Variants in MAJIN observed in about 807,000 individuals in gnomAD.
MAJIN encodes membrane anchored junction protein, also known as membrane-anchored junction protein.
A neutral mutation model predicts 30.2 loss-of-function variants in MAJIN; 27 were observed. The ratio of observed to expected loss-of-function variants is 0.89; its 90% CI spans 0.66 to 1.23. MAJIN has a LOEUF of 1.23. MAJIN is among the 50% of genes most tolerant of loss of function. MAJIN has a pLI of 0.00. For missense variants in MAJIN, 253 were observed against 260.3 expected (o/e 0.97, Z 0.19); for synonymous variants, 78 against 91.6 (o/e 0.85, Z 0.85).
intron 9 of MAJIN, 160 bp from the exon 10 acceptor site, chr11:64,939,927 A>G: frequency 1.7e-6 from 1 of 582,756 alleles, no homozygotes; most frequent in East Asian, 3.0e-5. Flanking sequence ...ATTTCATCTC[A>G]GCTCAGTAAG....
At chr11:64,969,104 T>C (rs1294631046) in intron 1 of MAJIN, among the ~76,000 whole-genome samples, 1 of 152,180 alleles carries the variant, frequency 6.6e-6, no homozygotes, top group South Asian at 2.1e-4. Context: ...CCTTTGCAAT[T>C]AGGTAGACAA....
intron 1 of MAJIN, among the ~76,000 whole-genome samples, chr11:64,961,693 G>A (rs1222664194): frequency 6.8e-6 from 1 of 146,208 alleles, no homozygotes; most frequent in Non-Finnish European, 1.5e-5. Flanking sequence ...AGCCAGGATG[G>A]TCTCGATCTC....
chr11:64,938,304 A>C lies in MAJIN; in HGVS notation c.*271T>G, dbSNP rs1046401846. 1 of 532,190 alleles carries C rather than the reference A, an allele frequency of 1.9e-6. No individual in the cohort carries two copies. The highest frequency in any genetic ancestry group is 3.4e-6 in the Non-Finnish European group (1 of 298,360). 33.0% of individuals were successfully genotyped at this position (532,190 alleles called of 1,614,324 possible). A position where few individuals can be genotyped will look rare whatever the true frequency, so the allele number is the denominator to read the frequency against. On this transcript the variant is annotated 3_prime_UTR_variant, in exon 11 of 11. Transcript: ENST00000301896. Reference sequence around the variant, plus strand: ...CAAAAGGCCTAAACCGGCCCTCAGGACATGAACATTTTAGAAAGTTCCATT... The same window carrying C: ...CAAAAGGCCTAAACCGGCCCTCAGGCCATGAACATTTTAGAAAGTTCCATT...
chr11:64,971,390 T>C (rs914598851), intron 1 of MAJIN, among the ~76,000 whole-genome samples: 4 of 130,360 alleles, frequency 3.1e-5, no homozygotes, highest in Admixed American at 2.7e-4. Flanking sequence ...TCGCCCCCAC[T>C]GAACTCCAGC....
chr11:64,946,135 G>A, intron 8 of MAJIN: 1 of 1,535,402 alleles, frequency 6.5e-7, no homozygotes, highest in Non-Finnish European at 8.7e-7. Flanking sequence ...GGCCTTGGCT[G>A]GAAGTCCCTA....
At chr11:64,947,650 T>C (rs1301018847) in intron 7 of MAJIN, 138 bp downstream of exon 7, 1 of 1,052,844 alleles carries the variant, frequency 9.5e-7, no homozygotes, top group Admixed American at 2.1e-5. Flanking sequence ...GGGGAAAATA[T>C]GGTCTTATGT....
chr11:64,950,918 A>G (rs1176832836), intron 4 of MAJIN, among the ~76,000 whole-genome samples: 1 of 152,080 alleles, frequency 6.6e-6, no homozygotes, highest in Non-Finnish European at 1.5e-5. Context: ...TAGAAAGGGA[A>G]TTTCTCTTCC....
chr11:64,956,321 A>T (rs1565136196), intron 3 of MAJIN, among the ~76,000 whole-genome samples: 1 of 141,534 alleles, frequency 7.1e-6, no homozygotes, highest in African/African-American at 2.5e-5. Flanking sequence ...TAAATAAATA[A>T]AAATAAAAAT....
intron 8 of MAJIN, chr11:64,946,249 G>T: frequency 1.5e-6 from 2 of 1,350,942 alleles, no homozygotes; most frequent in South Asian, 1.5e-5. Context: ...TCAGCAGGTT[G>T]GCTATTGTTA....
At chr11:64,951,836 A>G (rs954376052) in intron 4 of MAJIN, among the ~76,000 whole-genome samples, 3 of 150,540 alleles carry the variant, frequency 2.0e-5, no homozygotes, top group Non-Finnish European at 3.0e-5. Context: ...CACAGTGTCT[A>G]GCTTATAATT....
intron 3 of MAJIN, among the ~76,000 whole-genome samples, chr11:64,958,598 G>GGA (rs1945672274): frequency 9.8e-6 from 1 of 102,518 alleles, no homozygotes; most frequent in Non-Finnish European, 1.8e-5. Flanking sequence ...TGTCTTGGGA[G>GGA]AAAAAAAAAA....
At chr11:64,967,279 G>A (rs1047162886) in intron 1 of MAJIN, among the ~76,000 whole-genome samples, 2 of 151,700 alleles carry the variant, frequency 1.3e-5, no homozygotes, top group African/African-American at 2.4e-5. Flanking sequence ...TGGTGGTGGC[G>A]CCTGTAATCC....
chr11:64,948,191 C>T (rs936030493), intron 6 of MAJIN, among the ~76,000 whole-genome samples: 1 of 152,004 alleles, frequency 6.6e-6, no homozygotes, highest in Non-Finnish European at 1.5e-5. Context: ...TTTCTTGGAA[C>T]TGACCCCAGA....
chr11:64,942,512 G>A (rs1233225197), intron 8 of MAJIN, among the ~76,000 whole-genome samples: 4 of 152,026 alleles, frequency 2.6e-5, no homozygotes, highest in South Asian at 2.1e-4. Context: ...CTCCCATGGC[G>A]AAGAGTTCTA....
At chr11:64,962,353 G>T (rs1277077802) in intron 1 of MAJIN, among the ~76,000 whole-genome samples, 1 of 152,174 alleles carries the variant, frequency 6.6e-6, no homozygotes, top group African/African-American at 2.4e-5. Context: ...ATTAGACAGT[G>T]TATCCCAAAC....
At chr11:64,967,593 C>G (rs1352960787) in intron 1 of MAJIN, among the ~76,000 whole-genome samples, 1 of 151,978 alleles carries the variant, frequency 6.6e-6, no homozygotes, top group African/African-American at 2.4e-5. Flanking sequence ...GAGGAAATAG[C>G]AGGTACAAGA....
chr11:64,953,415 C>G (rs889544977), intron 4 of MAJIN, among the ~76,000 whole-genome samples: 2 of 152,178 alleles, frequency 1.3e-5, no homozygotes, highest in African/African-American at 4.8e-5. Context: ...TGTGTTCCCT[C>G]CTCTCTGTTA....
At chr11:64,970,551 G>C (rs1319404979) in intron 1 of MAJIN, among the ~76,000 whole-genome samples, 2 of 151,018 alleles carry the variant, frequency 1.3e-5, no homozygotes, top group Non-Finnish European at 3.0e-5. Context: ...ATTTTTAGTA[G>C]AGACCAGGTT....
intron 10 of MAJIN, among the ~76,000 whole-genome samples, 178 bp downstream of exon 10, chr11:64,939,484 T>G (rs904911137): frequency 1.3e-5 from 2 of 152,244 alleles, no homozygotes; most frequent in African/African-American, 4.8e-5. Context: ...AACACAGTCT[T>G]TATTAAATGC....
Sources: gnomAD v4.1 joint callset for allele counts (sites outside exome capture counted in the v4.1 genomes callset) on GRCh38, gnomAD v4.1.1 for gene constraint, MANE v1.5 for transcripts, NCBI Gene and HGNC (gene_info 2026-07-23, HGNC 2026-07-21) for gene names.